Variants in TNNI3K observed in about 807,000 individuals in gnomAD.
TNNI3K encodes TNNI3 interacting kinase.
A neutral mutation model predicts 114.5 loss-of-function variants in TNNI3K; 140 were observed. The observed-to-expected ratio is 1.22, with a 90% CI of 1.07 to 1.41. TNNI3K has a LOEUF of 1.41. Ranked by LOEUF, TNNI3K falls within the 40% of genes most tolerant of loss-of-function variation. TNNI3K has a pLI of 0.00. For synonymous variants in TNNI3K, 347 were observed against 347.5 expected, an observed-to-expected ratio of 1.00 and a Z score of 0.02; for missense variants, 1,125 against 1,007.6, an observed-to-expected ratio of 1.12 and a Z score of -1.58.
chr1:74,519,925 C>A (rs1646406408), intron 23 of TNNI3K, among the ~76,000 whole-genome samples: 1 of 152,144 alleles, frequency 6.6e-6, no homozygotes, highest in Non-Finnish European at 1.5e-5. Flanking sequence ...CCTGACTGGA[C>A]AGCATGTTCT....
chr1:74,489,477 G>A (rs1299212291), intron 22 of TNNI3K, among the ~76,000 whole-genome samples: 1 of 152,122 alleles, frequency 6.6e-6, no homozygotes, highest in Non-Finnish European at 1.5e-5. Flanking sequence ...TAATAGGGCA[G>A]GCAAATGGAC....
At chr1:74,485,850 T>G (rs540158076) in intron 21 of TNNI3K, among the ~76,000 whole-genome samples, 2 of 152,108 alleles carry the variant, frequency 1.3e-5, no homozygotes, top group Non-Finnish European at 2.9e-5. Flanking sequence ...AAAACAGACA[T>G]GTGTCATACA....
At chr1:74,294,327 A>G (rs972029743) in intron 5 of TNNI3K, among the ~76,000 whole-genome samples, 18 of 152,028 alleles carry the variant, frequency 1.2e-4, no homozygotes, top group Non-Finnish European at 2.1e-4. Flanking sequence ...ATTTAATAAC[A>G]TTATCTAGTA....
chr1:74,474,918 G>T (rs1310324342), intron 21 of TNNI3K, among the ~76,000 whole-genome samples: 1 of 152,026 alleles, frequency 6.6e-6, no homozygotes, highest in African/African-American at 2.4e-5. Flanking sequence ...TGCAGAATTG[G>T]CATTAGAGCT....
intron 17 of TNNI3K, among the ~76,000 whole-genome samples, chr1:74,414,818 A>G (rs943616248): frequency 6.6e-6 from 1 of 152,076 alleles, no homozygotes; most frequent in African/African-American, 2.4e-5. Flanking sequence ...TTAATCACTC[A>G]CCTGGACTAT....
In TNNI3K at chr1:74,510,517, T is replaced by A. The variant is rs1670133740; in HGVS notation, c.2351+18251T>A. On this transcript the variant is annotated intron_variant, in intron 23 of 24. Coordinates refer to ENST00000326637, the MANE Select transcript of TNNI3K (RefSeq NM_015978.3). Reference sequence around the variant, plus strand: ...AGTGAGACTCCGTCTCAAAAAAGAATAAAATGAGAAAAAAATTATTGAGAG... The same window carrying A: ...AGTGAGACTCCGTCTCAAAAAAGAAAAAAATGAGAAAAAAATTATTGAGAG... 2.6e-5 allele frequency among the ~76,000 whole-genome samples: 4 copies of A among 151,916 alleles called. No homozygotes were observed. In the South Asian group the frequency reaches 8.3e-4, roughly 32 times the overall value.
In TNNI3K at chr1:74,463,484, C is replaced by T. The variant is rs1226916848; in HGVS notation, c.2055C>T (p.Pro685=). The change falls in exon 21 of 25, where the codon CCC becomes CCT. Residue 685 remains proline (P), a synonymous_variant. Transcript: ENST00000326637. The stretch of plus-strand genomic sequence containing the variant: ...TGGCTTACCACCACATCAGACCTCC[C>T]ATTGGCTATTCCATTCCCAAGCCCA... ...ADMAYHHIRP[P]IGYSIPKPIS... 1 of 1,614,224 alleles carries T rather than the reference C, an allele frequency of 6.2e-7. No homozygotes were observed. The highest frequency in any genetic ancestry group is 8.5e-7 in the Non-Finnish European group (1 of 1,180,050).
intron 23 of TNNI3K, among the ~76,000 whole-genome samples, chr1:74,529,337 AT>A (rs1347647869): frequency 6.6e-6 from 1 of 152,198 alleles, no homozygotes; most frequent in African/African-American, 2.4e-5. Flanking sequence ...AAGATGCATA[AT>A]TTGAATCTAA....
intron 19 of TNNI3K, among the ~76,000 whole-genome samples, chr1:74,438,644 T>G (rs1666240033): frequency 6.6e-6 from 1 of 152,034 alleles, no homozygotes. Flanking sequence ...AATTTTCATC[T>G]CCTAACTCTA....
chr1:74,475,573 TC>T (rs1668160718), intron 21 of TNNI3K: 9 of 717,440 alleles, frequency 1.3e-5, no homozygotes, highest in Non-Finnish European at 2.3e-5. Context: ...ATGGCTATTT[TC>T]CTGTAAAAGT....
intron 21 of TNNI3K, chr1:74,475,272 T>G (rs45627331): frequency 6.4e-6 from 4 of 625,682 alleles, no homozygotes; most frequent in Non-Finnish European, 8.7e-6. Context: ...GGAGTGGGAT[T>G]TTCTAAAACA....
intron 20 of TNNI3K, among the ~76,000 whole-genome samples, chr1:74,460,879 G>A (rs1667426538): frequency 6.6e-6 from 1 of 152,160 alleles, no homozygotes; most frequent in African/African-American, 2.4e-5. Context: ...TGATTTTCCA[G>A]ACACACTGCC....
chr1:74,470,920 G>T (rs1436539026), intron 21 of TNNI3K: 3 of 400,582 alleles, frequency 7.5e-6, no homozygotes, highest in African/African-American at 6.2e-5. Flanking sequence ...GGACTCCGTT[G>T]TCCCTTGGTC....
chr1:74,397,157 A>G lies in TNNI3K; in HGVS notation c.1772+26765A>G, dbSNP rs72966934. Among the ~76,000 whole-genome samples, 316 of 152,162 alleles carry G rather than the reference A, an allele frequency of 2.1e-3. 1 individual carries two copies. Among genetic ancestry groups the G allele is most frequent in the African/African-American group, 7.2e-3 (300 of 41,504 alleles). ...CAGCTCGGCTCAGGCACAGAGAGAGAAAGAGGAAGAAACCGAGTATGAGGG... is the reference window on the plus strand; with the variant it reads ...CAGCTCGGCTCAGGCACAGAGAGAGGAAGAGGAAGAAACCGAGTATGAGGG... On this transcript the variant is annotated intron_variant, in intron 17 of 24. Transcript: ENST00000326637.
intron 11 of TNNI3K, among the ~76,000 whole-genome samples, chr1:74,364,153 C>T (rs563658361): frequency 6.6e-6 from 1 of 151,324 alleles, no homozygotes; most frequent in Admixed American, 6.6e-5. Context: ...GCAGATGCTA[C>T]CATGCCCCAC....
chr1:74,348,172 G>A (rs1330792130), intron 9 of TNNI3K, among the ~76,000 whole-genome samples: 1 of 151,596 alleles, frequency 6.6e-6, no homozygotes, highest in African/African-American at 2.4e-5. Flanking sequence ...ATTAATTTTT[G>A]TATAAGGTGT....
intron 20 of TNNI3K, among the ~76,000 whole-genome samples, chr1:74,445,704 G>A (rs1337002008): frequency 4.2e-4 from 62 of 146,502 alleles, no homozygotes; most frequent in African/African-American, 1.3e-3. Flanking sequence ...TCCGCCTCCC[G>A]GGTTCATGCC....
At chr1:74,269,777 T>C (rs1656230016) in intron 4 of TNNI3K, among the ~76,000 whole-genome samples, 1 of 151,818 alleles carries the variant, frequency 6.6e-6, no homozygotes, top group South Asian at 2.1e-4. Flanking sequence ...GACTCAGACT[T>C]AGCAGAGAAG....
At chr1:74,328,776 A>G (rs866754604) in intron 5 of TNNI3K, among the ~76,000 whole-genome samples, 3 of 152,158 alleles carry the variant, frequency 2.0e-5, no homozygotes, top group Non-Finnish European at 4.4e-5. Flanking sequence ...AAGAACTCTT[A>G]TCTTTTAGAA....
Sources: gnomAD v4.1 joint callset for allele counts (sites outside exome capture counted in the v4.1 genomes callset) on GRCh38, gnomAD v4.1.1 for gene constraint, MANE v1.5 for transcripts, NCBI Gene and HGNC (gene_info 2026-07-23, HGNC 2026-07-21) for gene names.